Variants in SH3BGRL2 observed in about 807,000 individuals in gnomAD.
SH3BGRL2 encodes the protein SH3 domain-binding glutamic acid-rich-like protein 2.
A neutral mutation model predicts 14.8 loss-of-function variants in SH3BGRL2; 21 were observed. The ratio of observed to expected loss-of-function variants is 1.42; its 90% CI spans 1.01 to 2.05. The LOEUF (loss-of-function observed/expected upper bound fraction) is 2.05, where lower values mean the gene tolerates loss of function less well. Among genes scored for constraint, SH3BGRL2 ranks in the 30% most tolerant of loss-of-function variants. SH3BGRL2 has a pLI of 0.00. For synonymous variants in SH3BGRL2, 50 were observed against 47.8 expected (o/e 1.05, Z -0.19); for missense variants, 147 against 130.8 (o/e 1.12, Z -0.61).
At chr6:79,542,620 C>T in the SH3BGRL2 span, among the ~76,000 whole-genome samples, 4 of 152,124 alleles carry the variant, frequency 2.6e-5, no homozygotes, top group African/African-American at 9.7e-5. Flanking sequence ...ACTGCATTTC[C>T]CAGACACCCT....
the SH3BGRL2 span, among the ~76,000 whole-genome samples, chr6:79,584,301 G>C: frequency 6.6e-6 from 1 of 152,152 alleles, no homozygotes; most frequent in Non-Finnish European, 1.5e-5. Context: ...GTTGTTCAAG[G>C]AATGTATGCT....
rs192289482 is a variant in SH3BGRL2, at chr6:79,676,288, A to G, written c.231+2489A>G. Among the ~76,000 whole-genome samples the G allele has an allele frequency of 1.3e-3, 192 of 152,198 alleles. 2 individuals are homozygous for G. In the East Asian group the frequency reaches 0.013, roughly 11 times the overall value. On this transcript the variant is annotated intron_variant, in intron 2 of 3. Transcript: ENST00000369838. ...TGCATCCCTGAGGCCATGTTTATTA[A>G]TAATGTATTAATATCTTCTAGCTCC...
Position 79,676,052 on chromosome 6 carries a change from T to C in SH3BGRL2, c.231+2253T>C, listed in dbSNP as rs184083046. On this transcript the variant is annotated intron_variant, in intron 2 of 3. Transcript: ENST00000369838. ...TTAGCATTCTCATTGCAGATATTGA[T>C]AGTAGTATCTGTAGGTCTTTTCTCA... Among the ~76,000 whole-genome samples, 33 of 152,320 alleles carry C rather than the reference T, an allele frequency of 2.2e-4. No homozygotes were observed. The East Asian group carries it at 5.8e-3, about 27-fold the overall frequency.
At chr6:79,541,555 C>T in the SH3BGRL2 span, among the ~76,000 whole-genome samples, 2 of 152,154 alleles carry the variant, frequency 1.3e-5, no homozygotes, top group African/African-American at 2.4e-5. Context: ...TTCTATTTAC[C>T]TCACAACCCC....
chr6:79,659,605 T>C (rs1562150048), intron 1 of SH3BGRL2, among the ~76,000 whole-genome samples: 1 of 152,212 alleles, frequency 6.6e-6, no homozygotes, highest in Non-Finnish European at 1.5e-5. Flanking sequence ...TGCTTAGGAT[T>C]GTCTTGGCTA....
At chr6:79,649,985 T>TCTCTCTCTCTCACA (rs765159303) in intron 1 of SH3BGRL2, among the ~76,000 whole-genome samples, 3 of 141,980 alleles carry the variant, frequency 2.1e-5, no homozygotes, top group South Asian at 2.4e-4. Context: ...TCTCTCTCTC[T>TCTCTCTCTCTCACA]CACACACACA....
rs74787373 is a variant in SH3BGRL2, at chr6:79,684,792, A to G, written c.231+10993A>G. 8.5e-4 allele frequency among the ~76,000 whole-genome samples: 129 copies of G among 152,274 alleles called. 1 individual carries two copies. Among genetic ancestry groups the G allele is most frequent in the African/African-American group, 2.8e-3 (118 of 41,514 alleles). ...CCTATCCCACAGGTAGCATTTTCTT[A>G]GAGAAGTTTATCTGCATTTGAAAAT... On this transcript the variant is annotated intron_variant, in intron 2 of 3. Coordinates refer to ENST00000369838, the MANE Select transcript of SH3BGRL2 (RefSeq NM_031469.4).
At chr6:79,637,634 A>C (rs571495366) in intron 1 of SH3BGRL2, among the ~76,000 whole-genome samples, 3 of 152,216 alleles carry the variant, frequency 2.0e-5, no homozygotes, top group Non-Finnish European at 4.4e-5. Context: ...TAGAGATTGC[A>C]TGAGCCGAGA....
At chr6:79,609,545 C>T in the SH3BGRL2 span, among the ~76,000 whole-genome samples, 1 of 152,136 alleles carries the variant, frequency 6.6e-6, no homozygotes, top group Admixed American at 6.5e-5. Flanking sequence ...CTCATCCATC[C>T]CCAGCCCTAC....
At chr6:79,637,045 C>A (rs1393393053) in intron 1 of SH3BGRL2, among the ~76,000 whole-genome samples, 1 of 152,112 alleles carries the variant, frequency 6.6e-6, no homozygotes, top group East Asian at 1.9e-4. Flanking sequence ...TGGAGTTTTT[C>A]TCATTTAATT....
chr6:79,618,437 G>A, the SH3BGRL2 span, among the ~76,000 whole-genome samples: 7 of 152,208 alleles, frequency 4.6e-5, no homozygotes, highest in South Asian at 2.1e-4. Context: ...GCCAGGCGCC[G>A]TGGCTCTTGC....
At chr6:79,546,095 A>G in the SH3BGRL2 span, among the ~76,000 whole-genome samples, 1 of 152,230 alleles carries the variant, frequency 6.6e-6, no homozygotes, top group Non-Finnish European at 1.5e-5. Flanking sequence ...AAGGAAGAAC[A>G]GGGTAGCAAT....
the SH3BGRL2 span, among the ~76,000 whole-genome samples, chr6:79,593,626 G>GA: frequency 5.9e-5 from 9 of 151,994 alleles, no homozygotes; most frequent in South Asian, 2.1e-4. Context: ...GTGTGGGGAG[G>GA]AAAAAAATAC....
chr6:79,541,851 G>A, the SH3BGRL2 span, among the ~76,000 whole-genome samples: 1 of 152,196 alleles, frequency 6.6e-6, no homozygotes, highest in African/African-American at 2.4e-5. Context: ...TCATAGATCA[G>A]TCTGGTGGGC....
intron 2 of SH3BGRL2, among the ~76,000 whole-genome samples, chr6:79,675,061 T>C (rs369433043): frequency 1.3e-5 from 2 of 152,194 alleles, no homozygotes; most frequent in African/African-American, 4.8e-5. Context: ...TAAAATGTAC[T>C]CTTGTGCCTG....
intron 1 of SH3BGRL2, among the ~76,000 whole-genome samples, chr6:79,636,739 G>A (rs2202349): frequency 0.028 from 4,200 of 152,134 alleles, 200 homozygotes; most frequent in African/African-American, 0.096. Flanking sequence ...GCGATCTTTG[G>A]CATTCCTTGG....
At chr6:79,640,658 G>A (rs148210384) in intron 1 of SH3BGRL2, among the ~76,000 whole-genome samples, 1 of 152,028 alleles carries the variant, frequency 6.6e-6, no homozygotes, top group Non-Finnish European at 1.5e-5. Context: ...TGAAGTGGAA[G>A]GTATCCGGCA....
At chr6:79,684,324 T>C (rs1435119765) in intron 2 of SH3BGRL2, among the ~76,000 whole-genome samples, 2 of 152,182 alleles carry the variant, frequency 1.3e-5, no homozygotes, top group African/African-American at 4.8e-5. Flanking sequence ...TATTACTTCT[T>C]CTCCCTCATG....
intron 2 of SH3BGRL2, among the ~76,000 whole-genome samples, chr6:79,676,637 G>A (rs995585436): frequency 1.4e-4 from 18 of 130,952 alleles, no homozygotes; most frequent in South Asian, 3.0e-4. Context: ...GTGTGTGTGT[G>A]TGTATATATA....
Sources: allele counts gnomAD v4.1 joint callset (sites outside exome capture counted in the v4.1 genomes callset), GRCh38; gene constraint gnomAD v4.1.1; transcripts MANE v1.5; gene names NCBI Gene and HGNC (gene_info 2026-07-23, HGNC 2026-07-21).